The following HS6ST3 variants were observed in gnomAD, a reference collection of about 807,000 sequenced individuals.
HS6ST3 encodes heparan sulfate 6-O-sulfotransferase 3, also known as heparan-sulfate 6-O-sulfotransferase 3.
In HS6ST3, 12 loss-of-function variants were observed where a neutral mutation model predicts 36.7. That is an observed-to-expected ratio of 0.33 (90% CI 0.21 to 0.53). The LOEUF (loss-of-function observed/expected upper bound fraction) is 0.53, where lower values mean the gene tolerates loss of function less well. HS6ST3 is among the 20% of genes least tolerant of loss of function. The probability of loss-of-function intolerance (pLI) is 0.95; values close to 1 mark genes in which losing one functional copy is unlikely to be tolerated. For missense variants in HS6ST3, 584 were observed against 640.9 expected (o/e 0.91, Z 0.96); for synonymous variants, 240 against 257.5 (o/e 0.93, Z 0.65).
chr13:96,317,375 T>TC (rs1405388618), intron 1 of HS6ST3, among the ~76,000 whole-genome samples: 3 of 2,844 alleles, frequency 1.1e-3, no homozygotes, highest in Non-Finnish European at 2.2e-3. Context: ...TATAAAATTA[T>TC]ATATATATAT....
At chr13:96,138,049 A>G (rs1020201084) in intron 1 of HS6ST3, among the ~76,000 whole-genome samples, 5 of 152,164 alleles carry the variant, frequency 3.3e-5, no homozygotes, top group East Asian at 1.9e-4. Context: ...TTTGCCCCCA[A>G]TACTTTTAGA....
chr13:96,236,396 C>G (rs1306723861), intron 1 of HS6ST3, among the ~76,000 whole-genome samples: 2 of 152,110 alleles, frequency 1.3e-5, no homozygotes, highest in African/African-American at 4.8e-5. Context: ...CCCCTAGCCT[C>G]TTGGTTCCCT....
At chr13:96,218,106 A>T (rs1390456151) in intron 1 of HS6ST3, among the ~76,000 whole-genome samples, 1 of 152,230 alleles carries the variant, frequency 6.6e-6, no homozygotes, top group East Asian at 1.9e-4. Flanking sequence ...ACTCCTCTAA[A>T]TATGCAAGCC....
At chr13:96,692,620 A>C (rs1028266825) in intron 1 of HS6ST3, among the ~76,000 whole-genome samples, 2 of 152,190 alleles carry the variant, frequency 1.3e-5, no homozygotes, top group African/African-American at 4.8e-5. Flanking sequence ...CTAAGATTCC[A>C]TACTGAACAA....
At chr13:96,346,985 A>T (rs2055158566) in intron 1 of HS6ST3, among the ~76,000 whole-genome samples, 1 of 152,038 alleles carries the variant, frequency 6.6e-6, no homozygotes, top group Admixed American at 6.6e-5. Flanking sequence ...AATAATGGAG[A>T]GCAGCCTCCA....
At chr13:96,726,337 G>T (rs1274258628) in intron 1 of HS6ST3, among the ~76,000 whole-genome samples, 1 of 152,090 alleles carries the variant, frequency 6.6e-6, no homozygotes, top group Non-Finnish European at 1.5e-5. Flanking sequence ...ATTATAATAA[G>T]ATTGATTCTT....
At chr13:96,269,314 A>G (rs1430697400) in intron 1 of HS6ST3, among the ~76,000 whole-genome samples, 1 of 152,038 alleles carries the variant, frequency 6.6e-6, no homozygotes, top group African/African-American at 2.4e-5. Context: ...TAGATTTATG[A>G]AGTCTTGGGT....
At chr13:96,401,023 A>G (rs953395540) in intron 1 of HS6ST3, among the ~76,000 whole-genome samples, 2 of 152,196 alleles carry the variant, frequency 1.3e-5, no homozygotes, top group Admixed American at 1.3e-4. Context: ...ATATGAAACT[A>G]TCACTAATTT....
chr13:96,705,411 T>C (rs764023624), intron 1 of HS6ST3, among the ~76,000 whole-genome samples: 3 of 152,226 alleles, frequency 2.0e-5, no homozygotes, highest in Non-Finnish European at 4.4e-5. Flanking sequence ...ACTCAAATTC[T>C]CCAGGTGATA....
At chr13:96,449,152 A>G (rs2055714772) in intron 1 of HS6ST3, among the ~76,000 whole-genome samples, 1 of 152,080 alleles carries the variant, frequency 6.6e-6, no homozygotes, top group South Asian at 2.1e-4. Flanking sequence ...CATTGAGACC[A>G]GATCTCACCA....
intron 1 of HS6ST3, among the ~76,000 whole-genome samples, chr13:96,172,865 T>C (rs2054194872): frequency 6.6e-6 from 1 of 152,200 alleles, no homozygotes; most frequent in Non-Finnish European, 1.5e-5. Context: ...AATACTTATC[T>C]CTCAGTAGGT....
intron 1 of HS6ST3, among the ~76,000 whole-genome samples, chr13:96,137,045 ATATGATGAAATGCACAATCT>A (rs2054005918): frequency 6.6e-6 from 1 of 152,140 alleles, no homozygotes; most frequent in African/African-American, 2.4e-5. Flanking sequence ...TATAACTAAT[ATATGATGAAATGCACAATCT>A]CAAATATGTA....
At chr13:96,430,361 C>T (rs928235295) in intron 1 of HS6ST3, among the ~76,000 whole-genome samples, 6 of 152,152 alleles carry the variant, frequency 3.9e-5, no homozygotes, top group South Asian at 2.1e-4. Flanking sequence ...AGTAGGTGAA[C>T]GCCCTCCCTC....
chr13:96,269,699 T>A (rs1187930055), intron 1 of HS6ST3, among the ~76,000 whole-genome samples: 1 of 151,950 alleles, frequency 6.6e-6, no homozygotes, highest in African/African-American at 2.4e-5. Context: ...TAAAGTCAGC[T>A]TTTCCCAAAA....
At chr13:96,658,227 C>G (rs2056632416) in intron 1 of HS6ST3, among the ~76,000 whole-genome samples, 2 of 139,946 alleles carry the variant, frequency 1.4e-5, no homozygotes, top group African/African-American at 2.7e-5. Flanking sequence ...CTGTTATATG[C>G]CACAATTTAT....
Position 96,126,256 on chromosome 13 carries a change from A to G in HS6ST3, c.707+34687A>G, listed in dbSNP as rs1594685887. ...TAGGGGCCATGTGGTTTATCATCCT[A>G]ACTACTCTTTCACCAGCATTTTTAA... On this transcript the variant is annotated intron_variant, in intron 1 of 1. Transcript: ENST00000376705. Among the ~76,000 whole-genome samples the G allele has an allele frequency of 2.6e-5, 4 of 152,090 alleles. No individual in the cohort carries two copies. The East Asian group carries it at 7.7e-4, about 29-fold the overall frequency.
Position 96,614,297 on chromosome 13 carries a change from C to CAAAAAAAAA in HS6ST3, c.708-218170_708-218162dup, listed in dbSNP as rs67979751. Among the ~76,000 whole-genome samples the CAAAAAAAAA allele has an allele frequency of 2.5e-3, 108 of 43,982 alleles. 6 individuals are homozygous for CAAAAAAAAA. The highest frequency in any genetic ancestry group is 2.7e-3 in the Non-Finnish European group (72 of 26,542). The allele number at this position is 43,982 out of a possible 152,430, so 28.9% of individuals were successfully genotyped here. On this transcript the variant is annotated intron_variant, in intron 1 of 1. Transcript: ENST00000376705. Reference sequence around the variant, plus strand: ...TGGGCAACAGAGCAAGGATCCATCTCAAAAAAAAAAAAAAAAAAAAAAAAA... The same window carrying CAAAAAAAAA: ...TGGGCAACAGAGCAAGGATCCATCTCAAAAAAAAAAAAAAAAAAAAAAAAAAAAAAAAAA...
At chr13:96,316,476 T>C (rs752677108) in intron 1 of HS6ST3, among the ~76,000 whole-genome samples, 4 of 152,178 alleles carry the variant, frequency 2.6e-5, no homozygotes, top group Non-Finnish European at 5.9e-5. Flanking sequence ...TGTCATGGAT[T>C]TGGAGGACCT....
chr13:96,708,484 T>C (rs537999134), intron 1 of HS6ST3, among the ~76,000 whole-genome samples: 2 of 152,294 alleles, frequency 1.3e-5, no homozygotes, highest in African/African-American at 4.8e-5. Flanking sequence ...ATAAAATCAA[T>C]AATATTCAAT....
Sources: gnomAD v4.1 joint callset for allele counts (sites outside exome capture counted in the v4.1 genomes callset) on GRCh38, gnomAD v4.1.1 for gene constraint, MANE v1.5 for transcripts, NCBI Gene and HGNC (gene_info 2026-07-23, HGNC 2026-07-21) for gene names.